ZNF28: variants seen among roughly 807,000 people sequenced by gnomAD.
ZNF28 encodes the protein zinc finger protein KOX24.
Under a neutral mutation model 7.2 loss-of-function variants are expected in ZNF28, and 5 were observed. That is an observed-to-expected ratio of 0.70 (90% confidence interval 0.36 to 1.46). ZNF28 has a LOEUF of 1.46. Among genes scored for constraint, ZNF28 ranks in the 40% most tolerant of loss-of-function variants. The pLI, the probability that ZNF28 is intolerant of heterozygous loss-of-function variation, is 0.03. For missense variants in ZNF28, 879 were observed against 866.6 expected, an observed-to-expected ratio of 1.01 and a Z score of -0.18; for synonymous variants, 288 against 292.4, an observed-to-expected ratio of 0.99 and a Z score of 0.15.
chr19:52,800,056 G>A lies in ZNF28; in HGVS notation c.1789C>T (p.His597Tyr). Residue 597 changes from histidine (H) to tyrosine (Y), a missense_variant, in exon 4 of 4, where the codon CAT becomes TAT. Transcript: ENST00000457749. The stretch of plus-strand genomic sequence containing the variant: ...TTCTCTCCAGTATGAACTCTCTGAT[G>A]TTGTGCCAGGTGTGAATCCCTCCGG... ...AFRRDSHLAQ[H>Y]QRVHTGEKPY... 6.2e-7 allele frequency: 1 copy of A among 1,614,160 alleles called. No individual in the cohort carries two copies. Among genetic ancestry groups the A allele is most frequent in the South Asian group, 1.1e-5 (1 of 91,074 alleles).
At chr19:52,812,591 A>G (rs369145007) in intron 2 of ZNF28, among the ~76,000 whole-genome samples, 14 of 127,148 alleles carry the variant, frequency 1.1e-4, no homozygotes, top group African/African-American at 4.2e-4. Context: ...AGTCATCACC[A>G]CTCCCTAATC....
At chr19:52,809,854 G>C (rs1359936032) in intron 2 of ZNF28, 3 of 619,168 alleles carry the variant, frequency 4.8e-6, no homozygotes, top group Non-Finnish European at 8.5e-6. Context: ...GGTGGTGGCA[G>C]TAGCACTGGG....
intron 3 of ZNF28, among the ~76,000 whole-genome samples, chr19:52,804,121 T>G (rs1157863190): frequency 6.6e-6 from 1 of 152,166 alleles, no homozygotes; most frequent in African/African-American, 2.4e-5. Flanking sequence ...AAAGAGCGTG[T>G]TGCCTGTTCC....
intron 2 of ZNF28, chr19:52,814,157 G>A (rs1479974229): frequency 6.8e-6 from 1 of 146,798 alleles, no homozygotes. Context: ...TCCCCAGGGA[G>A]GCTGGAAGGA....
Position 52,800,319 on chromosome 19 carries a change from C to G in ZNF28, c.1526G>C (p.Cys509Ser). Residue 509 changes from cysteine to serine, a missense_variant, in exon 4 of 4, where the codon TGC becomes TCC. By Grantham distance (112) the Cys-to-Ser change is moderately radical (BLOSUM62 -1). Transcript: ENST00000457749. ...VCDKAFRSDS[C>S]LTEHQRVHTG... is the part of the protein sequence containing the mutation. ...ATGAACTCTCTGATGTTCTGTAAGG[C>G]ATGAATCACTCCGGAAAGCCTTGTC... The G allele has an allele frequency of 6.2e-7, 1 of 1,604,492 alleles. No homozygotes were observed. The highest frequency in any genetic ancestry group is 8.5e-7 in the Non-Finnish European group (1 of 1,176,958).
intron 2 of ZNF28, among the ~76,000 whole-genome samples, chr19:52,813,180 G>A (rs2063075515): frequency 1.4e-5 from 2 of 141,886 alleles, no homozygotes; most frequent in African/African-American, 5.1e-5. Context: ...CTGCTCAGTG[G>A]AGCAATTTAG....
chr19:52,800,107 T>A lies in ZNF28; in HGVS notation c.1738A>T (p.Lys580Ter). 3 of 1,614,084 alleles carry A rather than the reference T, an allele frequency of 1.9e-6. No individual in the cohort carries two copies. The South Asian group carries it at 3.3e-5, about 18-fold the overall frequency. Reference sequence around the variant, plus strand: ...AAAGCCTTGTCACAAACCTTACATTTGTACGGTTTCTCTCCAGTATGAATC... The same window carrying A: ...AAAGCCTTGTCACAAACCTTACATTAGTACGGTTTCTCTCCAGTATGAATC... ...RRIHTGEKPY[K>*]CKVCDKAFRR... The change falls in exon 4 of 4, where the codon AAA becomes TAA. Residue 580 changes from lysine (K) to a stop codon, truncating the protein, a stop_gained. Coordinates refer to ENST00000457749, the MANE Select transcript of ZNF28 (RefSeq NM_006969.5). LOFTEE classifies it low-confidence loss of function (END_TRUNC).
intron 1 of ZNF28, among the ~76,000 whole-genome samples, chr19:52,821,355 G>C (rs1169290287): frequency 1.3e-5 from 2 of 152,154 alleles, no homozygotes; most frequent in African/African-American, 2.4e-5. Flanking sequence ...CTACGAGATA[G>C]GAAGTGTATA....
intron 2 of ZNF28, 133 bp downstream of exon 2, chr19:52,817,811 G>T: frequency 6.5e-7 from 1 of 1,548,610 alleles, no homozygotes; most frequent in Non-Finnish European, 8.8e-7. Flanking sequence ...GAGATGAACT[G>T]AAGGAAGGCA....
intron 2 of ZNF28, chr19:52,810,378 G>C: frequency 6.2e-7 from 1 of 1,605,014 alleles, no homozygotes; most frequent in Non-Finnish European, 8.5e-7. Context: ...TCATGGCTGT[G>C]GTTCAGTCAA....
chr19:52,810,646 A>G, intron 2 of ZNF28: 1 of 1,267,338 alleles, frequency 7.9e-7, no homozygotes, highest in Non-Finnish European at 1.2e-6. Flanking sequence ...TTTTAACAGC[A>G]GGCTCTGGGG....
At chr19:52,817,830 G>C (rs2063146267) in intron 2 of ZNF28, 114 bp downstream of exon 2, 1 of 1,569,138 alleles carries the variant, frequency 6.4e-7, no homozygotes, top group Non-Finnish European at 8.7e-7. Context: ...CATGGGTGAG[G>C]GTGAGCAAAC....
In ZNF28 at chr19:52,814,999, T is replaced by C. The variant is rs2063103512; in HGVS notation, c.15+2945A>G. ...CAAAGACTCACAAGAAATTAGATGT[T>C]AATAACAAAGTGGTCATTTTCCCCA... On this transcript the variant is annotated intron_variant, in intron 2 of 3. Transcript: ENST00000457749. Among the ~76,000 whole-genome samples, 2 of 145,986 alleles carry C rather than the reference T, an allele frequency of 1.4e-5. 1 individual carries two copies. Among genetic ancestry groups the C allele is most frequent in the African/African-American group, 5.3e-5 (2 of 37,502 alleles).
At chr19:52,812,162 C>T (rs1297769123) in intron 2 of ZNF28, among the ~76,000 whole-genome samples, 3 of 126,938 alleles carry the variant, frequency 2.4e-5, no homozygotes, top group African/African-American at 7.8e-5. Flanking sequence ...GCCCCCCGCC[C>T]GGCCAGCCGC....
In ZNF28 at chr19:52,808,267, C is replaced by G. The variant is rs975224831; in HGVS notation, c.16-134G>C. On this transcript the variant is annotated intron_variant, in intron 2 of 3. Transcript: ENST00000457749. Reference sequence around the variant, plus strand: ...CAAATCCGAGTGACGGATTTTTCACCACATGATGTTTTTATTATACTTTTT... The same window carrying G: ...CAAATCCGAGTGACGGATTTTTCACGACATGATGTTTTTATTATACTTTTT... 8.7e-6 allele frequency: 13 copies of G among 1,487,140 alleles called. No individual in the cohort carries two copies. In the African/African-American group the frequency reaches 1.8e-4, roughly 21 times the overall value. The allele number at this position is 1,487,140 out of a possible 1,614,324, so 92.1% of individuals were successfully genotyped here.
At chr19:52,812,590 C>T in intron 2 of ZNF28, among the ~76,000 whole-genome samples, 2 of 124,602 alleles carry the variant, frequency 1.6e-5, no homozygotes, top group Non-Finnish European at 3.4e-5. Context: ...GAGTCATCAC[C>T]ACTCCCTAAT....
intron 2 of ZNF28, among the ~76,000 whole-genome samples, chr19:52,810,863 CTCCCCCTCCCCCT>C (rs2063018094): frequency 3.9e-4 from 1 of 2,572 alleles, no homozygotes; most frequent in Non-Finnish European, 6.5e-4. Flanking sequence ...CCCTCTCCCC[CTCCCCCTCCCCCT>C]CCCCCTCCCC....
At chr19:52,805,746 G>A (rs914822875) in intron 3 of ZNF28, 1 of 152,052 alleles carries the variant, frequency 6.6e-6, no homozygotes, top group African/African-American at 2.4e-5. Context: ...ACTTTGGGAG[G>A]ATGAGCTGGG....
chr19:52,817,951 A>G lies in ZNF28; in HGVS notation c.8T>C (p.Leu3Pro), dbSNP rs1164290265. 1 of 1,610,894 alleles carries G rather than the reference A, an allele frequency of 6.2e-7. No individual in the cohort carries two copies. Among genetic ancestry groups the G allele is most frequent in the Non-Finnish European group, 8.5e-7 (1 of 1,179,822 alleles). MA[L>P]PQGLLTFRDV... ...CCGAGAATACCATCTCACCTGAGGA[A>G]GAGCCATCCCTGACTCCTTTGCTTT... Residue 3 changes from leucine to proline, a missense_variant, in exon 2 of 4, where the codon CTT (leucine) becomes CCT (proline). Around this residue, in one of 2 missense-constraint regions of ZNF28, gnomAD observed 864 missense variants for 830.2 expected, o/e 1.04. Coordinates refer to ENST00000457749, the MANE Select transcript of ZNF28 (RefSeq NM_006969.5).
Sources: gnomAD v4.1 joint callset for allele counts (sites outside exome capture counted in the v4.1 genomes callset) on GRCh38, gnomAD v4.1.1 for gene constraint, gnomAD v4.1.1 regional missense constraint, MANE v1.5 for transcripts, NCBI Gene and HGNC (gene_info 2026-07-23, HGNC 2026-07-21) for gene names.